The following CFAP54 variants were observed in gnomAD, a reference collection of about 807,000 sequenced individuals.
The protein encoded by CFAP54 is cilia and flagella associated protein 54, also known as cilia- and flagella-associated protein 54.
A neutral mutation model predicts 370.4 loss-of-function variants in CFAP54; 290 were observed. The ratio of observed to expected loss-of-function variants is 0.78; its 90% CI spans 0.71 to 0.86. The LOEUF (loss-of-function observed/expected upper bound fraction) is 0.86. Among genes scored for constraint, CFAP54 ranks in the 40% least tolerant of loss-of-function variants. The pLI is 0.00. For synonymous variants in CFAP54, 1,206 were observed against 1,236.5 expected (o/e 0.98, Z 0.52); for missense variants, 3,399 against 3,528.7 (o/e 0.96, Z 0.93).
At chr12:96,492,994 C>CAAAA (rs11362891) in intron 1 of CFAP54, among the ~76,000 whole-genome samples, 1 of 113,578 alleles carries the variant, frequency 8.8e-6, no homozygotes. Context: ...GACTCTGTCT[C>CAAAA]AAAAAAAAAA....
intron 66 of CFAP54, among the ~76,000 whole-genome samples, chr12:96,860,191 C>G: frequency 7.3e-6 from 1 of 137,112 alleles, no homozygotes; most frequent in South Asian, 2.3e-4. Context: ...GGCTGTAACT[C>G]ATTGTGGTCA....
At chr12:96,792,011 G>A (rs765886509) in intron 62 of CFAP54, among the ~76,000 whole-genome samples, 3 of 152,008 alleles carry the variant, frequency 2.0e-5, no homozygotes, top group African/African-American at 4.8e-5. Context: ...CACCATGCCC[G>A]GCTAATTTTT....
intron 30 of CFAP54, among the ~76,000 whole-genome samples, chr12:96,629,178 A>G (rs142723743): frequency 6.6e-5 from 10 of 152,180 alleles, no homozygotes; most frequent in East Asian, 5.8e-4. Flanking sequence ...TTTATTTTCA[A>G]TCCAGTTCTG....
chr12:96,858,759 GA>G (rs1392769774), intron 66 of CFAP54, among the ~76,000 whole-genome samples: 1 of 152,162 alleles, frequency 6.6e-6, no homozygotes, highest in African/African-American at 2.4e-5. Context: ...CAAACAAATG[GA>G]AAAGCATCCC....
chr12:96,801,077 C>G (rs1565982932), intron 63 of CFAP54, among the ~76,000 whole-genome samples: 1 of 152,114 alleles, frequency 6.6e-6, no homozygotes, highest in South Asian at 2.1e-4. Flanking sequence ...ATTTAACATC[C>G]CTTGATCCAC....
rs1221256380 is a variant in CFAP54, at chr12:96,783,874, G to A, written c.8282-843G>A. On this transcript the variant is annotated intron_variant, in intron 60 of 67. Coordinates refer to ENST00000524981, the MANE Select transcript of CFAP54 (RefSeq NM_001306084.2). ...GCACTCCAGCCTGGGCAACAAAAGC[G>A]AAACTCCATCTCAAAAGAAAAAAAG... Among the ~76,000 whole-genome samples, 3 of 151,750 alleles carry A rather than the reference G, an allele frequency of 2.0e-5. No homozygotes were observed. In the East Asian group the frequency reaches 5.8e-4, roughly 29 times the overall value.
chr12:96,751,596 A>T (rs2136653811), intron 55 of CFAP54, among the ~76,000 whole-genome samples: 1 of 152,278 alleles, frequency 6.6e-6, no homozygotes, highest in Non-Finnish European at 1.5e-5. Flanking sequence ...TGAAACAATA[A>T]GTGAAATATA....
At position 96,830,201 on chromosome 12, in the gene CFAP54, C is replaced by G. The variant is rs183532801; in HGVS notation, c.9171+1113C>G. On this transcript the variant is annotated intron_variant, in intron 66 of 67. Coordinates refer to ENST00000524981, the MANE Select transcript of CFAP54 (RefSeq NM_001306084.2). Reference sequence around the variant, plus strand: ...TGAACGTTAGTGTACAAATCTGAAGCCTTGATTTCAAATCTTTAGCACAAT... The same window carrying G: ...TGAACGTTAGTGTACAAATCTGAAGGCTTGATTTCAAATCTTTAGCACAAT... Among the ~76,000 whole-genome samples, 7 of 152,230 alleles carry G rather than the reference C, an allele frequency of 4.6e-5. No homozygotes were observed. In the East Asian group the frequency reaches 5.8e-4, roughly 13 times the overall value.
chr12:96,677,532 TAGG>T (rs1242205017), intron 39 of CFAP54, among the ~76,000 whole-genome samples: 1 of 151,196 alleles, frequency 6.6e-6, no homozygotes, highest in Non-Finnish European at 1.5e-5. Flanking sequence ...GCATGAGGAG[TAGG>T]AGGTCTGCCT....
chr12:96,785,891 C>T (rs1325646112), intron 61 of CFAP54, among the ~76,000 whole-genome samples: 3 of 152,186 alleles, frequency 2.0e-5, no homozygotes, highest in South Asian at 2.1e-4. Flanking sequence ...CTCAGTCTCT[C>T]GACGGGACAG....
intron 32 of CFAP54, among the ~76,000 whole-genome samples, chr12:96,638,263 T>A (rs955336597): frequency 4.0e-4 from 60 of 150,938 alleles, no homozygotes; most frequent in East Asian, 2.1e-3. Flanking sequence ...ATATTTATTT[T>A]TTTTTGGTTA....
intron 58 of CFAP54, among the ~76,000 whole-genome samples, chr12:96,762,291 G>A (rs1214368258): frequency 6.6e-6 from 1 of 152,142 alleles, no homozygotes; most frequent in African/African-American, 2.4e-5. Context: ...GTTTAATAAT[G>A]TTAATTGTGT....
chr12:96,868,362 C>T (rs1361188450), intron 67 of CFAP54, among the ~76,000 whole-genome samples: 1 of 150,608 alleles, frequency 6.6e-6, no homozygotes, highest in Non-Finnish European at 1.5e-5. Flanking sequence ...ATTTTTTGGT[C>T]CACTGTATAT....
intron 6 of CFAP54, among the ~76,000 whole-genome samples, chr12:96,521,301 A>G (rs1955309199): frequency 6.6e-6 from 1 of 152,194 alleles, no homozygotes; most frequent in Non-Finnish European, 1.5e-5. Context: ...GGATTATAAT[A>G]ATGGTGATAT....
intron 15 of CFAP54, among the ~76,000 whole-genome samples, chr12:96,552,241 C>T (rs1281865283): frequency 1.2e-5 from 1 of 82,342 alleles, no homozygotes; most frequent in African/African-American, 5.0e-5. Context: ...AGCAAAACTA[C>T]ATCTCAAAAA....
intron 5 of CFAP54, among the ~76,000 whole-genome samples, chr12:96,518,347 T>A (rs1955263337): frequency 6.6e-6 from 1 of 152,190 alleles, no homozygotes; most frequent in Non-Finnish European, 1.5e-5. Flanking sequence ...CCTAGACTAC[T>A]GTTGACATGG....
At chr12:96,583,718 G>A (rs1329384990) in intron 22 of CFAP54, among the ~76,000 whole-genome samples, 1 of 152,204 alleles carries the variant, frequency 6.6e-6, no homozygotes, top group African/African-American at 2.4e-5. Context: ...TCAGGTAGCA[G>A]ATGTCAAGCC....
At chr12:96,868,104 C>T (rs1449729893) in intron 67 of CFAP54, among the ~76,000 whole-genome samples, 3 of 152,124 alleles carry the variant, frequency 2.0e-5, no homozygotes, top group East Asian at 3.9e-4. Context: ...CCAGACGTCT[C>T]CTCCACCATG....
intron 67 of CFAP54, among the ~76,000 whole-genome samples, chr12:96,869,933 CAAAA>C (rs760992300): frequency 2.7e-5 from 1 of 36,856 alleles, no homozygotes. Context: ...AAAACTCCGT[CAAAA>C]AAAAAAAAAA....
Sources: allele counts gnomAD v4.1 joint callset (sites outside exome capture counted in the v4.1 genomes callset), GRCh38; gene constraint gnomAD v4.1.1; transcripts MANE v1.5; gene names NCBI Gene and HGNC (gene_info 2026-07-23, HGNC 2026-07-21).